The following CTNNA3 variants were observed in gnomAD, a reference collection of about 807,000 sequenced individuals.
CTNNA3 encodes the protein catenin alpha 3.
In CTNNA3, 76 loss-of-function variants were observed where a neutral mutation model predicts 95.7. The observed-to-expected ratio is 0.79, with a 90% confidence interval of 0.66 to 0.96. The LOEUF (loss-of-function observed/expected upper bound fraction) is 0.96, where lower values mean the gene tolerates loss of function less well. Ranked by LOEUF, CTNNA3 falls within the 40% of genes least tolerant of loss-of-function variation. CTNNA3 has a pLI of 0.00. For synonymous variants in CTNNA3, 431 were observed against 374.4 expected (o/e 1.15, Z -1.74); for missense variants, 1,191 against 1,089.8 (o/e 1.09, Z -1.31).
chr10:67,080,948 AAC>A (rs1345480727), intron 7 of CTNNA3, among the ~76,000 whole-genome samples: 5 of 151,164 alleles, frequency 3.3e-5, no homozygotes, highest in African/African-American at 1.2e-4. Context: ...AAAAAAAAAA[AAC>A]AAAGAAGAGG....
chr10:66,512,553 C>T (rs995177003), intron 11 of CTNNA3, among the ~76,000 whole-genome samples: 3 of 151,890 alleles, frequency 2.0e-5, no homozygotes, highest in African/African-American at 4.8e-5. Context: ...GAATTGTATA[C>T]TTTCATGTTT....
At chr10:66,658,394 T>G (rs930774606) in intron 9 of CTNNA3, among the ~76,000 whole-genome samples, 10 of 152,090 alleles carry the variant, frequency 6.6e-5, no homozygotes, top group Admixed American at 3.3e-4. Context: ...AAATAAAAAT[T>G]TAAGTGATGT....
At chr10:66,909,748 C>T (rs189616848) in intron 7 of CTNNA3, among the ~76,000 whole-genome samples, 11 of 152,222 alleles carry the variant, frequency 7.2e-5, no homozygotes, top group Admixed American at 2.6e-4. Flanking sequence ...ACATACTTTC[C>T]GCTTGCACTT....
intron 15 of CTNNA3, among the ~76,000 whole-genome samples, chr10:66,029,635 G>A (rs2079411446): frequency 1.3e-5 from 2 of 152,098 alleles, no homozygotes; most frequent in South Asian, 4.1e-4. Context: ...TAAATGTGAT[G>A]TAATTTATTT....
At chr10:67,580,789 G>T (rs1238952072) in intron 3 of CTNNA3, among the ~76,000 whole-genome samples, 2 of 151,894 alleles carry the variant, frequency 1.3e-5, no homozygotes, top group Non-Finnish European at 2.9e-5. Context: ...TTGTAAGTTG[G>T]ATTCCTAGGT....
chr10:65,992,721 T>A (rs796684858), intron 15 of CTNNA3, among the ~76,000 whole-genome samples: 17 of 152,242 alleles, frequency 1.1e-4, no homozygotes, highest in African/African-American at 3.8e-4. Context: ...TCGTATTTTT[T>A]TAGTCTCTGT....
At chr10:66,203,547 C>T (rs937370976) in intron 13 of CTNNA3, among the ~76,000 whole-genome samples, 1 of 151,810 alleles carries the variant, frequency 6.6e-6, no homozygotes, top group African/African-American at 2.4e-5. Flanking sequence ...AAAAAGATAA[C>T]AAGGGCCATA....
At chr10:67,604,110 G>A (rs1843176369) in intron 3 of CTNNA3, among the ~76,000 whole-genome samples, 1 of 152,204 alleles carries the variant, frequency 6.6e-6, no homozygotes, top group Admixed American at 6.5e-5. Flanking sequence ...ATGCCTAGGT[G>A]TGTTGTAGAC....
intron 15 of CTNNA3, among the ~76,000 whole-genome samples, chr10:65,989,750 G>A (rs984371389): frequency 6.6e-6 from 1 of 151,970 alleles, no homozygotes; most frequent in Non-Finnish European, 1.5e-5. Context: ...TAGCTATTTT[G>A]AAATATTCAA....
intron 7 of CTNNA3, among the ~76,000 whole-genome samples, chr10:67,083,910 T>C (rs1010029222): frequency 3.3e-5 from 5 of 151,986 alleles, no homozygotes; most frequent in Non-Finnish European, 4.4e-5. Context: ...AGAATAAAAA[T>C]AAAGATAAGA....
Position 66,747,801 on chromosome 10 carries a change from A to G in CTNNA3, c.1281+18463T>C, listed in dbSNP as rs549776330. ...GAAGGAAGGTATCCTAGAAACAAGC[A>G]AAGAAATAGATAAATCCTGGGTGAT... On this transcript the variant is annotated intron_variant, in intron 9 of 17. Transcript: ENST00000433211. 3.3e-5 allele frequency among the ~76,000 whole-genome samples: 5 copies of G among 152,302 alleles called. No individual in the cohort carries two copies. The East Asian group carries it at 9.6e-4, about 29-fold the overall frequency.
intron 5 of CTNNA3, among the ~76,000 whole-genome samples, chr10:67,516,777 C>T (rs1839831270): frequency 6.6e-6 from 1 of 152,172 alleles, no homozygotes; most frequent in Admixed American, 6.5e-5. Flanking sequence ...CCACCAATCC[C>T]TGGAAAGCAC....
intron 5 of CTNNA3, among the ~76,000 whole-genome samples, chr10:67,368,415 T>A (rs1261220859): frequency 6.6e-6 from 1 of 152,188 alleles, no homozygotes; most frequent in Non-Finnish European, 1.5e-5. Flanking sequence ...ATAGTGGGAA[T>A]GTAAAATGGC....
At chr10:66,560,522 AC>A (rs1842521382) in intron 10 of CTNNA3, among the ~76,000 whole-genome samples, 1 of 152,184 alleles carries the variant, frequency 6.6e-6, no homozygotes, top group South Asian at 2.1e-4. Context: ...TCACAGCTAC[AC>A]CATTGCTATT....
At chr10:67,215,595 G>C (rs1864321995) in intron 6 of CTNNA3, among the ~76,000 whole-genome samples, 1 of 152,134 alleles carries the variant, frequency 6.6e-6, no homozygotes. Context: ...CCAAAGTCCA[G>C]ATAAGGACAG....
At chr10:67,517,356 G>A (rs976879903) in intron 5 of CTNNA3, among the ~76,000 whole-genome samples, 7 of 151,708 alleles carry the variant, frequency 4.6e-5, no homozygotes, top group African/African-American at 1.2e-4. Context: ...ATATTAACCC[G>A]CAGTCATTTT....
intron 5 of CTNNA3, among the ~76,000 whole-genome samples, chr10:67,238,442 A>G (rs974216571): frequency 6.7e-6 from 1 of 148,242 alleles, no homozygotes; most frequent in Admixed American, 6.8e-5. Context: ...TACTAAACTA[A>G]AAAAAAAAAA....
intron 14 of CTNNA3, among the ~76,000 whole-genome samples, chr10:66,077,750 G>A (rs779524607): frequency 6.6e-6 from 1 of 151,660 alleles, no homozygotes; most frequent in East Asian, 1.9e-4. Flanking sequence ...GAAAGCTGAC[G>A]TGAATATCCT....
At chr10:67,181,668 T>C (rs1387400234) in intron 6 of CTNNA3, among the ~76,000 whole-genome samples, 5 of 152,086 alleles carry the variant, frequency 3.3e-5, no homozygotes, top group African/African-American at 7.2e-5. Context: ...TAAATAAGTA[T>C]ATGTGTGTGT....
Sources: gnomAD v4.1 joint callset for allele counts (sites outside exome capture counted in the v4.1 genomes callset) on GRCh38, gnomAD v4.1.1 for gene constraint, MANE v1.5 for transcripts, NCBI Gene and HGNC (gene_info 2026-07-23, HGNC 2026-07-21) for gene names.